FHIT: variants seen among roughly 807,000 people sequenced by gnomAD.
The protein encoded by FHIT is bis(5'-adenosyl)-triphosphatase.
FHIT carries 19 observed loss-of-function variants against 17.9 expected under a neutral mutation model. The ratio of observed to expected loss-of-function variants is 1.06; its 90% CI spans 0.74 to 1.56. FHIT has a LOEUF of 1.56. FHIT is among the 40% of genes most tolerant of loss of function. The pLI, the probability that FHIT is intolerant of heterozygous loss-of-function variation, is 0.00. For missense variants in FHIT, 248 were observed against 189.2 expected (o/e 1.31, Z -1.82); for synonymous variants, 81 against 69.7 (o/e 1.16, Z -0.81).
chr3:60,748,793 C>A (rs1414877403), intron 4 of FHIT, among the ~76,000 whole-genome samples: 7 of 152,120 alleles, frequency 4.6e-5, no homozygotes. Flanking sequence ...GCCTGGGCAA[C>A]AGAGTGAACT....
intron 4 of FHIT, among the ~76,000 whole-genome samples, chr3:60,786,486 G>T (rs1384828349): frequency 1.3e-5 from 2 of 152,160 alleles, no homozygotes; most frequent in African/African-American, 4.8e-5. Context: ...AGCAATACCT[G>T]TCCTCAAATA....
chr3:60,692,985 T>A (rs1451032128), intron 4 of FHIT, among the ~76,000 whole-genome samples: 1 of 152,226 alleles, frequency 6.6e-6, no homozygotes, highest in African/African-American at 2.4e-5. Context: ...CATAAGGGAA[T>A]CACCTGTTGA....
chr3:60,249,228 G>A (rs1364192757), intron 5 of FHIT, among the ~76,000 whole-genome samples: 7 of 152,062 alleles, frequency 4.6e-5, no homozygotes, highest in African/African-American at 9.7e-5. Context: ...TTCTATTCTT[G>A]AAACTTTCCG....
rs534950231 is a variant in FHIT at position 59,913,693 on chromosome 3, G to A, written c.348+8653C>T. Among the ~76,000 whole-genome samples, 9 of 152,180 alleles carry A rather than the reference G, an allele frequency of 5.9e-5. 1 individual carries two copies. Among genetic ancestry groups the A allele is most frequent in the South Asian group, 4.2e-4 (2 of 4,812 alleles). On this transcript the variant is annotated intron_variant, in intron 8 of 9. Coordinates refer to ENST00000492590, the MANE Select transcript of FHIT (RefSeq NM_002012.4). ...TGCTCTCCCTAGGAGCAAAGACTGCGAACTATAGTTGTTTATGACCACTAA... is the reference window on the plus strand; with the variant it reads ...TGCTCTCCCTAGGAGCAAAGACTGCAAACTATAGTTGTTTATGACCACTAA...
chr3:60,178,829 T>G (rs1701795775), intron 5 of FHIT, among the ~76,000 whole-genome samples: 1 of 152,288 alleles, frequency 6.6e-6, no homozygotes, highest in East Asian at 1.9e-4. Flanking sequence ...TACCATGGTA[T>G]GAGCATATTA....
intron 7 of FHIT, among the ~76,000 whole-genome samples, chr3:60,005,414 G>C (rs1029658482): frequency 8.5e-5 from 13 of 152,080 alleles, no homozygotes; most frequent in Non-Finnish European, 1.8e-4. Flanking sequence ...TCTGCCTGGA[G>C]AGCTGGGGAC....
chr3:60,184,209 T>C (rs749431605), intron 5 of FHIT, among the ~76,000 whole-genome samples: 2 of 152,102 alleles, frequency 1.3e-5, no homozygotes, highest in Non-Finnish European at 2.9e-5. Flanking sequence ...GGTCTCAGAC[T>C]CTTGGTGTGA....
chr3:59,960,034 A>C (rs145142856), intron 7 of FHIT, among the ~76,000 whole-genome samples: 1 of 151,970 alleles, frequency 6.6e-6, no homozygotes, highest in East Asian at 1.9e-4. Context: ...GAGTGGTATG[A>C]GAAAAACCTG....
At chr3:61,059,985 T>C (rs186885809) in intron 2 of FHIT, among the ~76,000 whole-genome samples, 5 of 152,050 alleles carry the variant, frequency 3.3e-5, no homozygotes, top group Non-Finnish European at 5.9e-5. Context: ...TCTTAGTGAG[T>C]ATGAGTGTGT....
chr3:60,858,761 GA>G (rs1703489767), intron 3 of FHIT, among the ~76,000 whole-genome samples: 2 of 152,168 alleles, frequency 1.3e-5, no homozygotes, highest in South Asian at 4.1e-4. Flanking sequence ...CCAGTTTCTT[GA>G]AAGTCTGTGG....
intron 5 of FHIT, among the ~76,000 whole-genome samples, chr3:60,198,295 AC>A (rs1281109291): frequency 3.3e-5 from 5 of 152,166 alleles, no homozygotes; most frequent in African/African-American, 1.2e-4. Context: ...ATCTTTACTA[AC>A]CTAAGTGCAT....
At chr3:59,875,957 G>T (rs1523116) in intron 8 of FHIT, among the ~76,000 whole-genome samples, 2 of 145,336 alleles carry the variant, frequency 1.4e-5, no homozygotes, top group Admixed American at 1.4e-4. Flanking sequence ...AAAAAAAAAA[G>T]AAAAAAAAAA....
intron 5 of FHIT, among the ~76,000 whole-genome samples, chr3:60,267,135 C>CA (rs1038336164): frequency 2.0e-4 from 30 of 151,770 alleles, no homozygotes; most frequent in Middle Eastern, 6.8e-3. Context: ...TTCCATAGTG[C>CA]AAAATCAATA....
At chr3:60,725,800 A>T (rs1371277222) in intron 4 of FHIT, among the ~76,000 whole-genome samples, 1 of 152,190 alleles carries the variant, frequency 6.6e-6, no homozygotes, top group African/African-American at 2.4e-5. Flanking sequence ...GCCAGACACT[A>T]CACTTGCATT....
At chr3:59,949,140 T>G (rs779594045) in intron 7 of FHIT, among the ~76,000 whole-genome samples, 1 of 152,248 alleles carries the variant, frequency 6.6e-6, no homozygotes, top group East Asian at 1.9e-4. Context: ...AACACACATA[T>G]ACCAGAGTTT....
intron 5 of FHIT, among the ~76,000 whole-genome samples, chr3:60,035,866 T>C (rs1192938474): frequency 6.6e-6 from 1 of 152,198 alleles, no homozygotes; most frequent in Non-Finnish European, 1.5e-5. Context: ...TTAAGCTAGG[T>C]GTTGCTATGA....
intron 4 of FHIT, among the ~76,000 whole-genome samples, chr3:60,607,501 G>T (rs536968514): frequency 6.6e-6 from 1 of 151,922 alleles, no homozygotes; most frequent in African/African-American, 2.4e-5. Flanking sequence ...GTAATTGGTG[G>T]TTATTTTCAG....
intron 8 of FHIT, among the ~76,000 whole-genome samples, chr3:59,791,687 G>C (rs1256161247): frequency 6.6e-6 from 1 of 152,072 alleles, no homozygotes; most frequent in Non-Finnish European, 1.5e-5. Context: ...GCTGAGTATA[G>C]GCCTTGTCCT....
chr3:59,879,919 A>G (rs182992472), intron 8 of FHIT, among the ~76,000 whole-genome samples: 1 of 83,014 alleles, frequency 1.2e-5, no homozygotes, highest in African/African-American at 3.2e-5. Context: ...CATTTCCCCC[A>G]CCCCCCCCCC....
Sources: allele counts gnomAD v4.1 joint callset (sites outside exome capture counted in the v4.1 genomes callset), GRCh38; gene constraint gnomAD v4.1.1; transcripts MANE v1.5; gene names NCBI Gene and HGNC (gene_info 2026-07-23, HGNC 2026-07-21).